Variants in RD3 observed in about 807,000 individuals in gnomAD.
RD3 encodes RD3 regulator of GUCY2D.
A neutral mutation model predicts 16.9 loss-of-function variants in RD3; 11 were observed. That is an observed-to-expected ratio of 0.65 (90% CI 0.41 to 1.08). The LOEUF (loss-of-function observed/expected upper bound fraction) is 1.08, where lower values mean the gene tolerates loss of function less well. Ranked by LOEUF, RD3 falls within the 50% of genes least tolerant of loss-of-function variation. The pLI is 0.00. For missense variants in RD3, 274 were observed against 267.4 expected, an observed-to-expected ratio of 1.02 and a Z score of -0.17; for synonymous variants, 116 against 114.8, an observed-to-expected ratio of 1.01 and a Z score of -0.07.
chr1:211,489,209 G>A (rs1425041362), intron 1 of RD3, among the ~76,000 whole-genome samples: 2 of 152,068 alleles, frequency 1.3e-5, no homozygotes, highest in Non-Finnish European at 2.9e-5. Flanking sequence ...CTAGATCAGT[G>A]GCTACCATTG....
At position 211,491,078 on chromosome 1, in the gene RD3, G is replaced by A. The variant is rs550554366; in HGVS notation, c.-12+690C>T. On this transcript the variant is annotated intron_variant, in intron 1 of 2. Transcript: ENST00000680073. ...GGCAGAGGTGCAGCCAGGAGAGGGC[G>A]TGTACACAGGTCTGACTGACCACAG... Among the ~76,000 whole-genome samples, 22 of 152,328 alleles carry A rather than the reference G, an allele frequency of 1.4e-4. No homozygotes were observed. The East Asian group carries it at 3.3e-3, about 23-fold the overall frequency.
intron 2 of RD3, 58 bp from the exon 3 acceptor site, chr1:211,479,385 C>CG: frequency 6.6e-7 from 1 of 1,516,568 alleles, no homozygotes; most frequent in Non-Finnish European, 8.9e-7. Context: ...TCTGGCACCC[C>CG]GGGCGTCTAA....
rs774563819 is a variant in RD3 at position 211,481,386 on chromosome 1, G to A, written c.30C>T (p.Asn10=). 26 of 1,613,242 alleles carry A rather than the reference G, an allele frequency of 1.6e-5. No individual in the cohort carries two copies. The highest frequency in any genetic ancestry group is 3.3e-5 in the Admixed American group (2 of 60,008). The change falls in exon 2 of 3, where the codon AAC becomes AAT. Residue 10 remains asparagine, a synonymous_variant. Transcript: ENST00000680073. The part of the protein sequence containing the change: MSLISWLRW[N]EAPSRLSTRS... The stretch of plus-strand genomic sequence containing the variant: ...TGGTGGACAGCCGGGATGGGGCCTC[G>A]TTCCACCGAAGCCATGAGATGAGAG...
At chr1:211,488,818 G>A (rs572550434) in intron 1 of RD3, among the ~76,000 whole-genome samples, 8 of 152,146 alleles carry the variant, frequency 5.3e-5, no homozygotes, top group South Asian at 2.1e-4. Context: ...TATTCCCTCC[G>A]TGGAGTCTGG....
Position 211,479,106 on chromosome 1 carries a change from A to C in RD3, c.518T>G (p.Val173Gly), listed in dbSNP as rs1705208102. 6.2e-7 allele frequency: 1 copy of C among 1,611,744 alleles called. No homozygotes were observed. The highest frequency in any genetic ancestry group is 8.5e-7 in the Non-Finnish European group (1 of 1,179,526). The change falls in exon 3 of 3, where the codon GTG becomes GGG. Residue 173 changes from valine to glycine, a missense_variant. Coordinates refer to ENST00000680073, the MANE Select transcript of RD3 (RefSeq NM_001164688.2). ...CAGTGGCGGCGGTGTGTCCCGCTCC[A>C]CGTCCTCGGAGATGGTCCTGATGTC... The part of the protein sequence containing the change: ...ASDIRTISED[V>G]ERDTPPPLRS...
chr1:211,488,380 CA>C (rs1167701826), intron 1 of RD3, among the ~76,000 whole-genome samples: 1 of 151,956 alleles, frequency 6.6e-6, no homozygotes, highest in African/African-American at 2.4e-5. Context: ...ACTAAAAATA[CA>C]AAAATTAGCC....
rs79953923 is a variant in RD3 at position 211,489,202 on chromosome 1, G to C, written c.-12+2566C>G. Among the ~76,000 whole-genome samples the C allele has an allele frequency of 1.0e-3, 154 of 152,294 alleles. 2 individuals carry two copies. In the East Asian group the frequency reaches 0.029, roughly 28 times the overall value. On this transcript the variant is annotated intron_variant, in intron 1 of 2. Transcript: ENST00000680073. ...AACTAACAATAAGCTGATTCACCTA[G>C]ATCAGTGGCTACCATTGTCGCTTAG...
chr1:211,481,065 C>T, intron 2 of RD3, 55 bp downstream of exon 2: 3 of 1,591,470 alleles, frequency 1.9e-6, no homozygotes, highest in Non-Finnish European at 2.6e-6. Context: ...CCTGCCACTG[C>T]AGCCACCTTT....
intron 1 of RD3, among the ~76,000 whole-genome samples, chr1:211,486,014 G>A (rs189864621): frequency 6.6e-6 from 1 of 151,520 alleles, no homozygotes. Flanking sequence ...TGTGGCATGC[G>A]CCTGTAGTTC....
intron 1 of RD3, among the ~76,000 whole-genome samples, chr1:211,487,797 G>T (rs556407600): frequency 3.5e-4 from 54 of 152,366 alleles, no homozygotes; most frequent in African/African-American, 1.2e-3. Flanking sequence ...GAGGCGCAGG[G>T]CTGAGTTCTC....
chr1:211,489,923 C>T (rs1445889756), intron 1 of RD3, among the ~76,000 whole-genome samples: 1 of 152,150 alleles, frequency 6.6e-6, no homozygotes, highest in Non-Finnish European at 1.5e-5. Flanking sequence ...CACCCACGCC[C>T]GTTATCTTCC....
intron 1 of RD3, among the ~76,000 whole-genome samples, chr1:211,489,666 G>T (rs1705446694): frequency 1.3e-5 from 2 of 150,428 alleles, no homozygotes; most frequent in African/African-American, 2.5e-5. Flanking sequence ...CATTTTTCTA[G>T]GAACGTGTCC....
intron 1 of RD3, among the ~76,000 whole-genome samples, chr1:211,485,496 A>T (rs1705355824): frequency 6.6e-6 from 1 of 152,172 alleles, no homozygotes; most frequent in Non-Finnish European, 1.5e-5. Context: ...ACAGAGACAG[A>T]GAGGCAGGAG....
chr1:211,490,110 C>A (rs577262264), intron 1 of RD3, among the ~76,000 whole-genome samples: 1 of 152,320 alleles, frequency 6.6e-6, no homozygotes, highest in South Asian at 2.1e-4. Flanking sequence ...GAAAAACTCT[C>A]GCGTTGTGCC....
At chr1:211,481,055 C>T in intron 2 of RD3, 65 bp downstream of exon 2, 2 of 1,567,580 alleles carry the variant, frequency 1.3e-6, no homozygotes, top group Non-Finnish European at 1.7e-6. Context: ...GCCTCAGGCC[C>T]CTGCCACTGC....
chr1:211,484,808 G>A (rs7512666), intron 1 of RD3, among the ~76,000 whole-genome samples: 28,102 of 152,024 alleles, frequency 0.18, 3,407 homozygotes, highest in African/African-American at 0.33. Flanking sequence ...TTGCAAACAC[G>A]TGTGGGGACA....
At chr1:211,488,722 G>A (rs147379304) in intron 1 of RD3, among the ~76,000 whole-genome samples, 33 of 152,294 alleles carry the variant, frequency 2.2e-4, no homozygotes, top group African/African-American at 7.7e-4. Context: ...TTTGGGCTGC[G>A]TTTCCCTCTT....
intron 1 of RD3, among the ~76,000 whole-genome samples, chr1:211,487,889 G>A (rs1705408592): frequency 6.6e-6 from 1 of 152,220 alleles, no homozygotes; most frequent in African/African-American, 2.4e-5. Context: ...CCCTCAAGGA[G>A]TGTACACTCA....
chr1:211,490,174 A>T (rs1705457369), intron 1 of RD3, among the ~76,000 whole-genome samples: 2 of 152,296 alleles, frequency 1.3e-5, no homozygotes, highest in South Asian at 2.1e-4. Context: ...GGGACCAGGG[A>T]TGTCTCAATG....
Sources: gnomAD v4.1 joint callset for allele counts (sites outside exome capture counted in the v4.1 genomes callset) on GRCh38, gnomAD v4.1.1 for gene constraint, MANE v1.5 for transcripts, NCBI Gene and HGNC (gene_info 2026-07-23, HGNC 2026-07-21) for gene names.